The following PCDHA5 variants were observed in gnomAD, a reference collection of about 807,000 sequenced individuals.
The protein encoded by PCDHA5 is protocadherin alpha 5.
Under a neutral mutation model 61.6 loss-of-function variants are expected in PCDHA5, and 43 were observed. That is an observed-to-expected ratio of 0.70 (90% confidence interval 0.55 to 0.90). The LOEUF is 0.90. PCDHA5 is among the 40% of genes least tolerant of loss of function. The probability of loss-of-function intolerance (pLI) is 0.00; values close to 1 mark genes in which losing one functional copy is unlikely to be tolerated. For synonymous variants in PCDHA5, 627 were observed against 543.9 expected (o/e 1.15, Z -2.13); for missense variants, 1,298 against 1,222.7 (o/e 1.06, Z -0.92).
At chr5:140,902,367 T>C (rs2153476761) in intron 1 of PCDHA5, among the ~76,000 whole-genome samples, 1 of 152,142 alleles carries the variant, frequency 6.6e-6, no homozygotes, top group Middle Eastern at 3.4e-3. Flanking sequence ...TTCTCTTGTC[T>C]AATTGCTCTA....
chr5:140,876,729 G>C lies in PCDHA5; in HGVS notation c.2352+52602G>C, dbSNP rs781841207. The C allele has an allele frequency of 3.1e-6, 5 of 1,614,102 alleles. No homozygotes were observed. The East Asian group carries it at 6.7e-5, about 22-fold the overall frequency. On this transcript the variant is annotated intron_variant, in intron 1 of 3. Transcript: ENST00000529859. ...GCGCCCTGGACCGCGAGAGCGTGTC[G>C]GCCTATGAGCTGGTGGTGACTGCGC...
chr5:140,884,840 A>G (rs2060380495), intron 1 of PCDHA5: 7 of 888,512 alleles, frequency 7.9e-6, no homozygotes, highest in Non-Finnish European at 1.1e-5. Flanking sequence ...TATCCTTCAG[A>G]GTGAAATCTT....
In PCDHA5 at chr5:140,841,333, C is replaced by G; in HGVS notation, c.2352+17206C>G. The G allele has an allele frequency of 1.9e-6, 3 of 1,605,502 alleles. 1 individual carries two copies. Among genetic ancestry groups the G allele is most frequent in the Non-Finnish European group, 2.6e-6 (3 of 1,175,392 alleles). ...AACGACTATTTAACATGGATTATCA[C>G]TGGCGAGGAGAGCTGGGATCCTGGC... is the stretch of plus-strand genomic sequence containing the variant. On this transcript the variant is annotated intron_variant, in intron 1 of 3. Transcript: ENST00000529859.
chr5:140,853,428 C>A, intron 1 of PCDHA5: 1 of 985,626 alleles, frequency 1.0e-6, no homozygotes, highest in African/African-American at 1.8e-5. Flanking sequence ...AGAAGAGACA[C>A]TTTCCTATTT....
At chr5:140,873,477 G>T (rs1351179000) in intron 1 of PCDHA5, among the ~76,000 whole-genome samples, 1 of 151,984 alleles carries the variant, frequency 6.6e-6, no homozygotes, top group Non-Finnish European at 1.5e-5. Flanking sequence ...AAATTACTTG[G>T]ACTGATTTCT....
intron 1 of PCDHA5, among the ~76,000 whole-genome samples, chr5:140,918,569 G>T (rs374823656): frequency 3.9e-5 from 6 of 152,136 alleles, no homozygotes; most frequent in African/African-American, 1.4e-4. Context: ...TGTATATTAT[G>T]CTGCTATTGG....
rs1554178015 is a variant in PCDHA5 at position 140,883,392 on chromosome 5, C to A, written c.2352+59265C>A. 1.9e-6 allele frequency: 3 copies of A among 1,614,184 alleles called. No individual in the cohort carries two copies. The East Asian group carries it at 6.7e-5, about 36-fold the overall frequency. ...GCCATTATTGCCCTAATCAGTGTGT[C>A]CGATCGTGACTCTGGCTCAAATGGA... is the stretch of plus-strand genomic sequence containing the variant. On this transcript the variant is annotated intron_variant, in intron 1 of 3. Transcript: ENST00000529859.
chr5:140,876,922 G>C (rs1554169106), intron 1 of PCDHA5: 6 of 1,613,906 alleles, frequency 3.7e-6, no homozygotes, highest in African/African-American at 2.7e-5. Context: ...GGACGCGGAC[G>C]CGCAGAAGAA....
chr5:140,896,074 A>C (rs1251086240), intron 1 of PCDHA5, among the ~76,000 whole-genome samples: 1 of 151,976 alleles, frequency 6.6e-6, no homozygotes, highest in African/African-American at 2.4e-5. Context: ...GCCTCCCAAC[A>C]TGCTGGGATT....
chr5:140,868,980 G>T (rs2050777662), intron 1 of PCDHA5: 5 of 1,489,988 alleles, frequency 3.4e-6, no homozygotes, highest in South Asian at 1.4e-5. Context: ...CCATCATACC[G>T]GATGCCACCG....
intron 1 of PCDHA5, chr5:140,869,773 G>A (rs1554163437): frequency 6.2e-7 from 1 of 1,612,948 alleles, no homozygotes; most frequent in Non-Finnish European, 8.5e-7. Context: ...AGAGCTTACT[G>A]GCACCGTTCG....
At chr5:140,830,434 T>C (rs1771061273) in intron 1 of PCDHA5, 2 of 1,613,288 alleles carry the variant, frequency 1.2e-6, no homozygotes, top group Non-Finnish European at 1.7e-6. Flanking sequence ...CTTGTCCTAT[T>C]ATGATGGGTA....
chr5:140,859,656 C>A (rs2045955130), intron 1 of PCDHA5: 1 of 155,362 alleles, frequency 6.4e-6, no homozygotes, highest in Admixed American at 6.4e-5. Context: ...TCAGTACGTG[C>A]TTCACAAATA....
At chr5:140,995,577 A>G (rs892793952) in intron 3 of PCDHA5, among the ~76,000 whole-genome samples, 7 of 152,242 alleles carry the variant, frequency 4.6e-5, no homozygotes, top group Non-Finnish European at 1.0e-4. Flanking sequence ...AAGATGAGCT[A>G]TGAGCTTTTA....
chr5:140,874,630 G>A (rs1299205823), intron 1 of PCDHA5, among the ~76,000 whole-genome samples: 2 of 152,212 alleles, frequency 1.3e-5, no homozygotes, highest in Non-Finnish European at 2.9e-5. Context: ...TTACATTAAA[G>A]TGCTTTACTT....
At position 140,841,649 on chromosome 5, in the gene PCDHA5, G is replaced by A. The variant is rs2150320047; in HGVS notation, c.2352+17522G>A. 1.6e-5 allele frequency: 26 copies of A among 1,614,166 alleles called. No homozygotes were observed. In the Admixed American group the frequency reaches 3.2e-4, roughly 20 times the overall value. On this transcript the variant is annotated intron_variant, in intron 1 of 3. Transcript: ENST00000529859. ...GTGCAGCATCCACCTGGAGGTGATCGTGGACAGGCCGCTGCAGGTTTTCCA... is the reference window on the plus strand; with the variant it reads ...GTGCAGCATCCACCTGGAGGTGATCATGGACAGGCCGCTGCAGGTTTTCCA...
intron 1 of PCDHA5, chr5:140,926,925 G>C (rs1554203816): frequency 6.4e-7 from 1 of 1,574,118 alleles, no homozygotes; most frequent in South Asian, 1.2e-5. Context: ...TTTTATGTTT[G>C]TGGGTTTCCT....
rs1291413682 is a variant in PCDHA5, at chr5:140,856,005, C to G, written c.2352+31878C>G. ...GAAAATGTCAGATCGTATGTGCGTT[C>G]TAGACCGCTGATTCGTCGATTTGTA... is the stretch of plus-strand genomic sequence containing the variant. On this transcript the variant is annotated intron_variant, in intron 1 of 3. Coordinates refer to ENST00000529859, the MANE Select transcript of PCDHA5 (RefSeq NM_018908.3). 6.5e-6 allele frequency: 10 copies of G among 1,538,764 alleles called. 3 individuals carry two copies. In the African/African-American group the frequency reaches 1.4e-4, roughly 21 times the overall value.
intron 1 of PCDHA5, among the ~76,000 whole-genome samples, chr5:140,891,310 G>A (rs1361380938): frequency 6.6e-6 from 1 of 152,030 alleles, no homozygotes; most frequent in Non-Finnish European, 1.5e-5. Flanking sequence ...GATTACATGA[G>A]TAAGTTCTTT....
Sources: gnomAD v4.1 joint callset for allele counts (sites outside exome capture counted in the v4.1 genomes callset) on GRCh38, gnomAD v4.1.1 for gene constraint, MANE v1.5 for transcripts, NCBI Gene and HGNC (gene_info 2026-07-23, HGNC 2026-07-21) for gene names.